IGFL2: variants seen among roughly 807,000 people sequenced by gnomAD.
The protein encoded by IGFL2 is insulin growth factor-like family member 2.
Under a neutral mutation model 13.9 loss-of-function variants are expected in IGFL2, and 7 were observed. That is an observed-to-expected ratio of 0.51 (90% CI 0.29 to 0.95). IGFL2 has a LOEUF of 0.95. IGFL2 is among the 40% of genes least tolerant of loss of function. IGFL2 has a pLI of 0.08. For missense variants in IGFL2, 138 were observed against 147.8 expected (o/e 0.93, Z 0.34); for synonymous variants, 55 against 55.8 (o/e 0.99, Z 0.07).
At chr19:46,153,926 C>T (rs976246231) in intron 1 of IGFL2, among the ~76,000 whole-genome samples, 5 of 151,566 alleles carry the variant, frequency 3.3e-5, no homozygotes, top group East Asian at 1.9e-4. Flanking sequence ...CCTATCAACC[C>T]GTCATCTAGG....
the IGFL2 span, among the ~76,000 whole-genome samples, chr19:46,121,089 C>T: frequency 1.3e-5 from 2 of 150,186 alleles, no homozygotes; most frequent in Admixed American, 6.7e-5. Flanking sequence ...TTAGAAAGTT[C>T]CAGGCACCAC....
the IGFL2 span, among the ~76,000 whole-genome samples, chr19:46,088,336 GTTTATTA>G: frequency 1.3e-5 from 2 of 151,966 alleles, no homozygotes; most frequent in Non-Finnish European, 2.9e-5. Context: ...CATTTACATT[GTTTATTA>G]TTTAAGATAA....
chr19:46,159,125 C>G (rs972275750), intron 1 of IGFL2: 11 of 152,240 alleles, frequency 7.2e-5, no homozygotes, highest in Non-Finnish European at 1.6e-4. Context: ...AGCTGTCACT[C>G]TTCTCTGGTT....
the IGFL2 span, among the ~76,000 whole-genome samples, chr19:46,194,299 C>G: frequency 3.9e-5 from 6 of 152,142 alleles, no homozygotes; most frequent in African/African-American, 9.7e-5. Flanking sequence ...GCAAGGGCCT[C>G]TCTCTGCCTG....
chr19:46,174,328 G>T, the IGFL2 span, among the ~76,000 whole-genome samples: 3 of 152,202 alleles, frequency 2.0e-5, no homozygotes, highest in African/African-American at 7.2e-5. Flanking sequence ...CCTTGTAAGT[G>T]CAGGGGACCC....
chr19:46,211,331 C>T, the IGFL2 span, among the ~76,000 whole-genome samples: 1 of 152,216 alleles, frequency 6.6e-6, no homozygotes, highest in South Asian at 2.1e-4. Flanking sequence ...CACACAGACT[C>T]CTCCTTGTCA....
chr19:46,129,305 T>TGTGTG, the IGFL2 span, among the ~76,000 whole-genome samples: 1 of 128,326 alleles, frequency 7.8e-6, no homozygotes, highest in African/African-American at 3.1e-5. Flanking sequence ...TTTGTTGATC[T>TGTGTG]TTTGTGTGTG....
the IGFL2 span, among the ~76,000 whole-genome samples, chr19:46,096,032 G>C: frequency 6.6e-6 from 1 of 152,114 alleles, no homozygotes; most frequent in Non-Finnish European, 1.5e-5. Context: ...GAATTTTAAA[G>C]CAGTTTTTTT....
At chr19:46,082,535 T>G in the IGFL2 span, among the ~76,000 whole-genome samples, 148 of 152,120 alleles carry the variant, frequency 9.7e-4, 1 homozygote, top group African/African-American at 3.4e-3. Flanking sequence ...ACAGGCATAT[T>G]GTACACAACC....
chr19:46,204,972 A>G, the IGFL2 span: 1 of 148,798 alleles, frequency 6.7e-6, no homozygotes, highest in South Asian at 2.1e-4. Flanking sequence ...GTTTTAGTAT[A>G]GACGGGATTT....
At chr19:46,150,907 C>T (rs1973449647) in intron 1 of IGFL2, among the ~76,000 whole-genome samples, 3 of 152,194 alleles carry the variant, frequency 2.0e-5, no homozygotes, top group Admixed American at 1.3e-4. Flanking sequence ...GCTCAAGCAA[C>T]CCTCCTCCTT....
the IGFL2 span, among the ~76,000 whole-genome samples, chr19:46,193,988 A>C: frequency 6.6e-6 from 1 of 152,074 alleles, no homozygotes; most frequent in Non-Finnish European, 1.5e-5. Flanking sequence ...GAAGTCCAGA[A>C]ACTTTGCGGT....
the IGFL2 span, among the ~76,000 whole-genome samples, chr19:46,084,696 C>A: frequency 1.1e-4 from 16 of 152,216 alleles, no homozygotes; most frequent in Non-Finnish European, 1.9e-4. Flanking sequence ...TTTTAAAAAA[C>A]CAGATCTTAC....
the IGFL2 span, among the ~76,000 whole-genome samples, chr19:46,210,643 A>G: frequency 6.6e-6 from 1 of 152,174 alleles, no homozygotes; most frequent in Admixed American, 6.5e-5. Flanking sequence ...AAGCTAAGCC[A>G]GTCTAGCCTT....
intron 1 of IGFL2, among the ~76,000 whole-genome samples, chr19:46,155,791 TTGTC>T (rs1435493611): frequency 2.6e-5 from 4 of 152,310 alleles, no homozygotes; most frequent in Admixed American, 6.5e-5. Flanking sequence ...AAATCACTGA[TTGTC>T]TGTGTGTGGA....
At chr19:46,178,540 G>T in the IGFL2 span, among the ~76,000 whole-genome samples, 2 of 152,140 alleles carry the variant, frequency 1.3e-5, no homozygotes, top group Non-Finnish European at 2.9e-5. Flanking sequence ...GAGATTAAAT[G>T]AGAGTCTGAC....
chr19:46,184,892 A>G, the IGFL2 span, among the ~76,000 whole-genome samples: 699 of 152,244 alleles, frequency 4.6e-3, 5 homozygotes, highest in Middle Eastern at 0.014. Context: ...AAGCATTCCT[A>G]TTTCTCCACA....
the IGFL2 span, chr19:46,213,447 C>T: frequency 2.5e-4 from 39 of 153,672 alleles, no homozygotes; most frequent in South Asian, 4.9e-3. Flanking sequence ...CCGCTGCAGC[C>T]GCCCCAGAGC....
At chr19:46,110,138 T>C in the IGFL2 span, among the ~76,000 whole-genome samples, 2 of 152,354 alleles carry the variant, frequency 1.3e-5, no homozygotes, top group East Asian at 3.9e-4. Context: ...CGGGGCCACA[T>C]AGCAAGAGAC....
Sources: gnomAD v4.1 joint callset for allele counts (sites outside exome capture counted in the v4.1 genomes callset) on GRCh38, gnomAD v4.1.1 for gene constraint, MANE v1.5 for transcripts, NCBI Gene and HGNC (gene_info 2026-07-23, HGNC 2026-07-21) for gene names.